MXD1: variants seen among roughly 807,000 people sequenced by gnomAD.
MXD1 encodes the protein MAX-binding protein.
In MXD1, 9 loss-of-function variants were observed where a neutral mutation model predicts 25.7. The ratio of observed to expected loss-of-function variants is 0.35; its 90% CI spans 0.21 to 0.61. MXD1 has a LOEUF of 0.61. Among genes scored for constraint, MXD1 ranks in the 20% least tolerant of loss-of-function variants. MXD1 has a pLI of 0.75. For synonymous variants in MXD1, 99 were observed against 113.9 expected (o/e 0.87, Z 0.83); for missense variants, 227 against 292.4 (o/e 0.78, Z 1.63).
intron 3 of MXD1, among the ~76,000 whole-genome samples, chr2:69,932,340 T>C (rs999952652): frequency 6.6e-6 from 1 of 152,190 alleles, no homozygotes; most frequent in Admixed American, 6.5e-5. Context: ...TTCACTACTG[T>C]ATGATAGAAC....
intron 3 of MXD1, among the ~76,000 whole-genome samples, chr2:69,931,330 C>A (rs920386058): frequency 6.6e-6 from 1 of 152,102 alleles, no homozygotes; most frequent in African/African-American, 2.4e-5. Context: ...TGCCCACCCC[C>A]GCTACCTTTC....
chr2:69,918,740 T>C (rs1215191389), intron 2 of MXD1, among the ~76,000 whole-genome samples: 2 of 152,204 alleles, frequency 1.3e-5, no homozygotes, highest in Non-Finnish European at 1.5e-5. Flanking sequence ...AGAGTGTATT[T>C]TTAAATGGTG....
chr2:69,915,824 T>TGTG lies in MXD1; in HGVS notation c.74-297_74-296insGTG. Among the ~76,000 whole-genome samples the TGTG allele has an allele frequency of 6.6e-6, 1 of 152,338 alleles. No individual in the cohort carries two copies. The highest frequency in any genetic ancestry group is 2.4e-5 in the African/African-American group (1 of 41,580). On this transcript the variant is annotated intron_variant, in intron 1 of 5. Coordinates refer to ENST00000264444, the MANE Select transcript of MXD1 (RefSeq NM_002357.4). The surrounding 1 kb of genome is among the most constrained non-coding windows in gnomAD (Gnocchi z 5.8). ...GCACCTTCGCCTGAGCTGGTTCCAC[T>TGTG]TAACCCGCACCAACCTGCTGGATGT...
chr2:69,938,571 T>TA lies in MXD1; in HGVS notation c.*287_*288insA. 3.1e-6 allele frequency: 1 copy of TA among 321,040 alleles called. No homozygotes were observed. The highest frequency in any genetic ancestry group is 5.8e-6 in the Non-Finnish European group (1 of 171,754). 19.9% of individuals were successfully genotyped at this position (321,040 alleles called of 1,614,324 possible). ...AGACCGAATAAGCAATGTCCACATC[T>TA]CAGCAATCCCCCTCTTTGCTCTCCT... On this transcript the variant is annotated 3_prime_UTR_variant, in exon 6 of 6. Transcript: ENST00000264444.
chr2:69,925,282 T>C (rs1677148548), intron 3 of MXD1, among the ~76,000 whole-genome samples: 2 of 151,400 alleles, frequency 1.3e-5, no homozygotes, highest in African/African-American at 4.8e-5. Context: ...TTTCTTTTCT[T>C]TTTTTAAACT....
At chr2:69,936,782 A>G (rs1016375257) in intron 4 of MXD1, among the ~76,000 whole-genome samples, 1 of 152,204 alleles carries the variant, frequency 6.6e-6, no homozygotes, top group African/African-American at 2.4e-5. Flanking sequence ...GGCATGACAC[A>G]AAAAAGTGCT....
Position 69,938,466 on chromosome 2 carries a change from A to G in MXD1, c.*182A>G. On this transcript the variant is annotated 3_prime_UTR_variant, in exon 6 of 6. Transcript: ENST00000264444. ...TTGTGGGTTTCTGATTGCATCCACT[A>G]GCTTCTCTTTTTCTCGCCATAAAAA... 1.7e-6 allele frequency: 1 copy of G among 597,644 alleles called. No homozygotes were observed. The highest frequency in any genetic ancestry group is 2.9e-6 in the Non-Finnish European group (1 of 341,534). 37.0% of individuals were successfully genotyped at this position (597,644 alleles called of 1,614,324 possible). A position where few individuals can be genotyped will look rare whatever the true frequency, so the allele number is the denominator to read the frequency against.
chr2:69,919,125 G>A lies in MXD1; in HGVS notation c.174-2611G>A, dbSNP rs186743158. On this transcript the variant is annotated intron_variant, in intron 2 of 5. Transcript: ENST00000264444. ...GAGTTTGTTTAAAAGTTTATTTTGGGGATTCAGAATTTTGCATAAGTATAT... is the reference window on the plus strand; with the variant it reads ...GAGTTTGTTTAAAAGTTTATTTTGGAGATTCAGAATTTTGCATAAGTATAT... Among the ~76,000 whole-genome samples the A allele has an allele frequency of 5.4e-4, 82 of 151,970 alleles. 2 individuals are homozygous for A. Among genetic ancestry groups the A allele is most frequent in the Admixed American group, 1.8e-3 (28 of 15,264 alleles).
rs1462777743 is a variant in MXD1, at chr2:69,915,109, G to T, written c.-222G>T. The stretch of plus-strand genomic sequence containing the variant: ...ACACTCCGCGGCGGTGGCGGCTGCT[G>T]CTCTGCTCCGGGTTCTGTCACTGTG... On this transcript the variant is annotated 5_prime_UTR_variant, in exon 1 of 6. Transcript: ENST00000264444. This position sits in a 1 kb window ranked among gnomAD's most constrained non-coding sequence, Gnocchi z 5.8. 4 of 405,648 alleles carry T rather than the reference G, an allele frequency of 9.9e-6. No individual in the cohort carries two copies. Among genetic ancestry groups the T allele is most frequent in the Non-Finnish European group, 1.7e-5 (4 of 230,658 alleles). The allele number at this position is 405,648 out of a possible 1,614,324, so 25.1% of individuals were successfully genotyped here.
At chr2:69,917,422 G>A (rs917114627) in intron 2 of MXD1, among the ~76,000 whole-genome samples, 2 of 152,206 alleles carry the variant, frequency 1.3e-5, no homozygotes, top group African/African-American at 4.8e-5. Context: ...GGCACTTTAA[G>A]AAAGATGTTA....
At chr2:69,938,066 T>A in intron 5 of MXD1, 31 bp from the exon 6 acceptor site, 2 of 1,605,644 alleles carry the variant, frequency 1.2e-6, no homozygotes, top group Non-Finnish European at 1.7e-6. Context: ...AGCGCTTTCA[T>A]CAATGTCCTT....
At chr2:69,927,035 G>A (rs1677184136) in intron 3 of MXD1, among the ~76,000 whole-genome samples, 1 of 152,200 alleles carries the variant, frequency 6.6e-6, no homozygotes, top group Non-Finnish European at 1.5e-5. Context: ...ATTTCTGTGT[G>A]TGCTCCATGG....
intron 3 of MXD1, among the ~76,000 whole-genome samples, chr2:69,928,315 A>G (rs192472760): frequency 7.9e-5 from 12 of 152,288 alleles, no homozygotes; most frequent in Admixed American, 3.9e-4. Flanking sequence ...TTTGGAAAGG[A>G]AAAGAAGGTT....
intron 3 of MXD1, among the ~76,000 whole-genome samples, chr2:69,927,715 T>C (rs1271717699): frequency 6.6e-6 from 1 of 152,242 alleles, no homozygotes; most frequent in Non-Finnish European, 1.5e-5. Context: ...GGTGTACTTA[T>C]GTATTTCATA....
Position 69,938,179 on chromosome 2 carries a change from C to A in MXD1, c.561C>A (p.Asp187Glu), listed in dbSNP as rs372477349. 1.2e-6 allele frequency: 2 copies of A among 1,614,210 alleles called. No individual in the cohort carries two copies. The highest frequency in any genetic ancestry group is 1.7e-6 in the Non-Finnish European group (2 of 1,180,032). ...GCAGCAGCAGTGTGAGCGACTCTGACGAGCGGGGCAGCATGCAGAGCCTCG... is the reference window on the plus strand; with the variant it reads ...GCAGCAGCAGTGTGAGCGACTCTGAAGAGCGGGGCAGCATGCAGAGCCTCG... Reference protein sequence around the residue: ...DWSSSSVSDSDERGSMQSLGS... With the variant: ...DWSSSSVSDSEERGSMQSLGS... The change falls in exon 6 of 6, where the codon GAC becomes GAA. Residue 187 changes from aspartate to glutamate, a missense_variant. Physicochemically the swap from Asp to Glu is conservative, Grantham distance 45. Coordinates refer to ENST00000264444, the MANE Select transcript of MXD1 (RefSeq NM_002357.4).
At chr2:69,917,301 A>G (rs1676980531) in intron 2 of MXD1, among the ~76,000 whole-genome samples, 2 of 152,216 alleles carry the variant, frequency 1.3e-5, no homozygotes, top group Admixed American at 1.3e-4. Flanking sequence ...GCCCTTGAAT[A>G]AAAATGGCAC....
chr2:69,935,389 G>C lies in MXD1; in HGVS notation c.242G>C (p.Gly81Ala). The C allele has an allele frequency of 6.2e-7, 1 of 1,614,090 alleles. No homozygotes were observed. The highest frequency in any genetic ancestry group is 8.5e-7 in the Non-Finnish European group (1 of 1,179,996). Residue 81 changes from glycine (G) to alanine (A), a missense_variant, in exon 4 of 6, where the codon GGG becomes GCG. Gly to Ala is a moderately conservative substitution (Grantham distance 60, BLOSUM62 0). Transcript: ENST00000264444. ...HLRLCLEKLK[G>A]LVPLGPESSR... Reference sequence around the variant, plus strand: ...CGCTTGTGCCTGGAGAAGTTGAAGGGGCTGGTGCCACTTGGACCCGAATCA... The same window carrying C: ...CGCTTGTGCCTGGAGAAGTTGAAGGCGCTGGTGCCACTTGGACCCGAATCA...
chr2:69,942,895 CTG>C lies in MXD1; in HGVS notation c.*4613_*4614del, dbSNP rs1677643896. 2 of 152,302 alleles carry C rather than the reference CTG, an allele frequency of 1.3e-5. No homozygotes were observed. The highest frequency in any genetic ancestry group is 3.9e-4 in the East Asian group (2 of 5,194). 9.4% of individuals were successfully genotyped at this position (152,302 alleles called of 1,614,324 possible). A position where few individuals can be genotyped will look rare whatever the true frequency, so the allele number is the denominator to read the frequency against. On this transcript the variant is annotated 3_prime_UTR_variant, in exon 6 of 6. Coordinates refer to ENST00000264444, the MANE Select transcript of MXD1 (RefSeq NM_002357.4). ...AGAATCTTTGCTGTGTATATGTAAA[CTG>C]TATTGTTCAACTGTTAACAAATAAT...
intron 3 of MXD1, among the ~76,000 whole-genome samples, chr2:69,926,953 G>T (rs1225502139): frequency 2.6e-5 from 4 of 152,142 alleles, no homozygotes; most frequent in Non-Finnish European, 5.9e-5. Flanking sequence ...TACATATGCA[G>T]CTCTTGCTAG....
Sources: gnomAD v4.1 joint callset for allele counts (sites outside exome capture counted in the v4.1 genomes callset) on GRCh38, gnomAD v4.1.1 for gene constraint, Gnocchi (gnomAD v3.1) non-coding constraint, MANE v1.5 for transcripts, NCBI Gene and HGNC (gene_info 2026-07-23, HGNC 2026-07-21) for gene names.